JMJD6: variants seen among roughly 807,000 people sequenced by gnomAD.
JMJD6 encodes jumonji domain containing 6, arginine demethylase and lysine hydroxylase.
In JMJD6, 17 loss-of-function variants were observed where a neutral mutation model predicts 45.8. That is an observed-to-expected ratio of 0.37 (90% CI 0.25 to 0.56). The LOEUF is 0.56. Among genes scored for constraint, JMJD6 ranks in the 20% least tolerant of loss-of-function variants. The pLI is 0.79. For missense variants in JMJD6, 470 were observed against 517.5 expected (o/e 0.91, Z 0.89); for synonymous variants, 221 against 196.3 (o/e 1.13, Z -1.05).
rs370817327 is a variant in JMJD6, at chr17:76,720,342, C to A, written c.1080+18G>T. On this transcript the variant is annotated intron_variant, in intron 5 of 5. Transcript: ENST00000397625. ...AGCCTTGGAGGCTCCAGGAGTCAGC[C>A]AGAGAGCAAGGCCTCACCTCTGAGT... 3.5e-4 allele frequency: 557 copies of A among 1,613,254 alleles called. No homozygotes were observed. The highest frequency in any genetic ancestry group is 4.5e-4 in the Non-Finnish European group (530 of 1,179,546).
At chr17:76,716,120 C>T (rs1405479600), downstream of JMJD6, 1 of 152,794 alleles carries the variant, frequency 6.5e-6, no homozygotes, top group African/African-American at 2.4e-5. Context: ...ATTTCAGTCT[C>T]TATGATGATG....
chr17:76,725,840 C>G lies in JMJD6; in HGVS notation c.145G>C (p.Ala49Pro). 2 of 1,611,668 alleles carry G rather than the reference C, an allele frequency of 1.2e-6. No homozygotes were observed. ...TCCACAGACAGCTGTAAAGCATCTG[C>G]CCTTTCCACGTTATCCTGAGGGAAT... is the stretch of plus-strand genomic sequence containing the variant. ...PAAVADNVERADALQLSVEEF... is the reference protein window; with the variant it reads ...PAAVADNVERPDALQLSVEEF... The change falls in exon 2 of 6, where the codon GCA becomes CCA. Residue 49 changes from alanine to proline, a missense_variant. Coordinates refer to ENST00000397625, the MANE Select transcript of JMJD6 (RefSeq NM_015167.3).
At chr17:76,724,358 G>A (rs1473837083) in intron 2 of JMJD6, among the ~76,000 whole-genome samples, 1 of 151,738 alleles carries the variant, frequency 6.6e-6, no homozygotes, top group African/African-American at 2.4e-5. Context: ...CTGGCCTCAA[G>A]TGATCACCTG....
intron 4 of JMJD6, chr17:76,721,506 G>T: frequency 2.4e-6 from 1 of 417,380 alleles, no homozygotes; most frequent in Non-Finnish European, 4.5e-6. Context: ...GCTAGCGCTA[G>T]CTTTGAAAAA....
exon 7 of JMJD6, chr17:76,713,204 TCTC>T (rs1257747137): frequency 6.6e-6 from 1 of 152,326 alleles, no homozygotes; most frequent in Non-Finnish European, 1.5e-5. Context: ...TTCAAGTGAT[TCTC>T]CTGCCTGAGT....
chr17:76,719,292 AAT>A (rs2076795409), intron 5 of JMJD6, among the ~76,000 whole-genome samples: 1 of 5,030 alleles, frequency 2.0e-4, no homozygotes, highest in Non-Finnish European at 6.6e-4. Flanking sequence ...GAAAAGACAG[AAT>A]TTTTTTTTTT....
At chr17:76,714,605 G>C (rs992079253), downstream of JMJD6, 2 of 152,328 alleles carry the variant, frequency 1.3e-5, no homozygotes, top group African/African-American at 4.8e-5. Context: ...CGGGGGTTGG[G>C]GAATAGGGCT....
intron 2 of JMJD6, among the ~76,000 whole-genome samples, chr17:76,724,965 C>CAT (rs2076886254): frequency 1.3e-5 from 2 of 152,296 alleles, no homozygotes; most frequent in East Asian, 3.9e-4. Flanking sequence ...GATGCGCAGG[C>CAT]ATCACCCGAA....
Position 76,718,650 on chromosome 17 carries a change from A to G in JMJD6, c.*79T>C. ...CTCTGTCAGGCCTCCCCTTGTCTGC[A>G]GGACTGGACAGGCCACCCTCCCCAG... On this transcript the variant is annotated 3_prime_UTR_variant, in exon 6 of 6. Coordinates refer to ENST00000397625, the MANE Select transcript of JMJD6 (RefSeq NM_015167.3). The G allele has an allele frequency of 1.3e-6, 2 of 1,543,550 alleles. No homozygotes were observed. The highest frequency in any genetic ancestry group is 1.7e-6 in the Non-Finnish European group (2 of 1,147,102).
chr17:76,725,704 T>A lies in JMJD6; in HGVS notation c.281A>T (p.Tyr94Phe). 2 of 1,614,114 alleles carry A rather than the reference T, an allele frequency of 1.2e-6. No homozygotes were observed. Among genetic ancestry groups the A allele is most frequent in the Non-Finnish European group, 1.7e-6 (2 of 1,180,028 alleles). The change falls in exon 2 of 6, where the codon TAT becomes TTT. Residue 94 changes from tyrosine (Y) to phenylalanine (F), a missense_variant. Around this residue, in one of 4 missense-constraint regions of JMJD6, gnomAD observed 346 missense variants for 339.5 expected, o/e 1.02. Transcript: ENST00000397625. ...KWTLERLKRK[Y>F]RNQKFKCGED... ...ACCACACTTGAACTTCTGGTTCCGA[T>A]ATTTCCTTTTTAGGCGCTCCAGAGT...
rs1437927426 is a variant in JMJD6 at position 76,726,517 on chromosome 17, G to A, written c.-42C>T. 1.3e-6 allele frequency: 2 copies of A among 1,566,344 alleles called. No individual in the cohort carries two copies. The highest frequency in any genetic ancestry group is 1.7e-6 in the Non-Finnish European group (2 of 1,158,092). On this transcript the variant is annotated 5_prime_UTR_variant, in exon 1 of 6. Coordinates refer to ENST00000397625, the MANE Select transcript of JMJD6 (RefSeq NM_015167.3). ...CTGGTTCCGCTACGACCTCGGCGCAGCCCGCTTCCTGACACTAACGCACCC... is the reference window on the plus strand; with the variant it reads ...CTGGTTCCGCTACGACCTCGGCGCAACCCGCTTCCTGACACTAACGCACCC...
chr17:76,726,578 A>G lies in JMJD6; in HGVS notation c.-103T>C. 1.4e-6 allele frequency: 2 copies of G among 1,429,716 alleles called. No individual in the cohort carries two copies. Among genetic ancestry groups the G allele is most frequent in the East Asian group, 2.6e-5 (1 of 39,212 alleles). 88.6% of individuals were successfully genotyped at this position (1,429,716 alleles called of 1,614,324 possible). ...TGGGCGGCGGCGACGGCAGTACCCA[A>G]ACGCCCTTCGCTCAGTCCCGGCGCC... On this transcript the variant is annotated 5_prime_UTR_variant, in exon 1 of 6. Transcript: ENST00000397625.
intron 3 of JMJD6, among the ~76,000 whole-genome samples, chr17:76,722,656 G>A (rs191148225): frequency 1.8e-4 from 28 of 152,036 alleles, no homozygotes; most frequent in Non-Finnish European, 3.8e-4. Context: ...GACCAGCCTG[G>A]GCAACATGAT....
In JMJD6 at chr17:76,725,534, T is replaced by G; in HGVS notation, c.451A>C (p.Lys151Gln). 1 of 1,614,138 alleles carries G rather than the reference T, an allele frequency of 6.2e-7. No homozygotes were observed. Among genetic ancestry groups the G allele is most frequent in the Non-Finnish European group, 8.5e-7 (1 of 1,180,014 alleles). The change falls in exon 2 of 6, where the codon AAG (lysine) becomes CAG (glutamine). Residue 151 changes from lysine (K) to glutamine (Q), a missense_variant. Transcript: ENST00000397625. ...PKRRKLLEDY[K>Q]VPKFFTDDLF... ...TCATCAGTGAAAAACTTTGGCACCT[T>G]GTAGTCTTCCAAAAGTTTCCTTCTT...
chr17:76,716,804 G>T (rs1014390), downstream of JMJD6: 4 of 1,414,136 alleles, frequency 2.8e-6, no homozygotes, highest in East Asian at 4.6e-5. Flanking sequence ...GTTAAAAGCA[G>T]GACCCCCGGG....
chr17:76,722,305 C>A (rs1394019394), intron 3 of JMJD6, among the ~76,000 whole-genome samples: 2 of 152,218 alleles, frequency 1.3e-5, no homozygotes, highest in Non-Finnish European at 2.9e-5. Flanking sequence ...GTTCTTCAGC[C>A]TCTACGAAGA....
rs201990497 is a variant in JMJD6, at chr17:76,726,432, C to G, written c.44G>C (p.Ser15Thr). Residue 15 changes from serine (S) to threonine (T), a missense_variant, in exon 1 of 6, where the codon AGT becomes ACT. Around this residue, in one of 4 missense-constraint regions of JMJD6, gnomAD observed 346 missense variants for 339.5 expected, o/e 1.02. Coordinates refer to ENST00000397625, the MANE Select transcript of JMJD6 (RefSeq NM_015167.3). Reference sequence around the variant, plus strand: ...CGAGTCCTTGAGCTCCGGCCGCGCACTCCGCTTGGCCTCGCGGATGCGCTT... The same window carrying G: ...CGAGTCCTTGAGCTCCGGCCGCGCAGTCCGCTTGGCCTCGCGGATGCGCTT... ...SKKRIREAKR[S>T]ARPELKDSLD... The G allele has an allele frequency of 4.2e-5, 67 of 1,604,014 alleles. No homozygotes were observed. Among genetic ancestry groups the G allele is most frequent in the Non-Finnish European group, 5.5e-5 (65 of 1,176,248 alleles).
downstream of JMJD6, among the ~76,000 whole-genome samples, chr17:76,717,593 A>G (rs1290169269): frequency 2.0e-5 from 3 of 152,116 alleles, no homozygotes; most frequent in Non-Finnish European, 2.9e-5. Context: ...TGTTGTAATA[A>G]TCCTGCTGCT....
chr17:76,716,787 A>AG, downstream of JMJD6: 1 of 1,582,930 alleles, frequency 6.3e-7, no homozygotes, highest in East Asian at 2.2e-5. Context: ...CAAAGCTGGA[A>AG]GGCAATGTTA....
Sources: allele counts gnomAD v4.1 joint callset (sites outside exome capture counted in the v4.1 genomes callset), GRCh38; gene constraint gnomAD v4.1.1; regional missense constraint gnomAD v4.1.1; transcripts MANE v1.5; gene names NCBI Gene and HGNC (gene_info 2026-07-23, HGNC 2026-07-21).